SLC16A7: variants seen among roughly 807,000 people sequenced by gnomAD.
SLC16A7 encodes the protein monocarboxylate transporter 2.
A neutral mutation model predicts 34.9 loss-of-function variants in SLC16A7; 33 were observed. The ratio of observed to expected loss-of-function variants is 0.94; its 90% CI spans 0.72 to 1.26. SLC16A7 has a LOEUF of 1.26. Ranked by LOEUF, SLC16A7 falls within the 50% of genes most tolerant of loss-of-function variation. SLC16A7 has a pLI of 0.00. For synonymous variants in SLC16A7, 201 were observed against 206.6 expected, an observed-to-expected ratio of 0.97 and a Z score of 0.23; for missense variants, 573 against 578.1, an observed-to-expected ratio of 0.99 and a Z score of 0.09.
intron 2 of SLC16A7, among the ~76,000 whole-genome samples, chr12:59,669,137 A>T (rs376328658): frequency 2.6e-5 from 4 of 152,232 alleles, no homozygotes; most frequent in African/African-American, 9.6e-5. Flanking sequence ...CACCAAAGCC[A>T]TGCTGACAGG....
chr12:59,598,426 A>G (rs1878527889), intron 1 of SLC16A7, among the ~76,000 whole-genome samples: 1 of 152,228 alleles, frequency 6.6e-6, no homozygotes, highest in African/African-American at 2.4e-5. Flanking sequence ...TCTGCTTTCA[A>G]GAAGTTCTCA....
At chr12:59,603,407 C>T (rs1592379464) in intron 1 of SLC16A7, among the ~76,000 whole-genome samples, 1 of 152,292 alleles carries the variant, frequency 6.6e-6, no homozygotes, top group South Asian at 2.1e-4. Flanking sequence ...GAACTGTCCT[C>T]ATGCCTCGTT....
chr12:59,786,300 G>A lies in SLC16A7; in HGVS notation c.*6621G>A, dbSNP rs1251330372. On this transcript the variant is annotated 3_prime_UTR_variant, in exon 6 of 6. Transcript: ENST00000547379. ...TGGCATTTTATCTCACATAAATTTA[G>A]GATGAAATTTTAAAACATTCTTTTG... is the stretch of plus-strand genomic sequence containing the variant. The A allele has an allele frequency of 3.3e-5, 5 of 151,826 alleles. No homozygotes were observed. Among genetic ancestry groups the A allele is most frequent in the Non-Finnish European group, 7.4e-5 (5 of 67,938 alleles). The allele number at this position is 151,826 out of a possible 1,614,324, so 9.4% of individuals were successfully genotyped here.
rs140755684 is a variant in SLC16A7, at chr12:59,661,257, C to A, written c.-31+6007C>A. Among the ~76,000 whole-genome samples, 1,305 of 152,062 alleles carry A rather than the reference C, an allele frequency of 8.6e-3. 21 individuals are homozygous for A. Among genetic ancestry groups the A allele is most frequent in the African/African-American group, 0.03 (1,237 of 41,504 alleles). On this transcript the variant is annotated intron_variant, in intron 2 of 5. Coordinates refer to ENST00000547379, the MANE Select transcript of SLC16A7 (RefSeq NM_001270623.2). Reference sequence around the variant, plus strand: ...GTAGAGAGATTGGAGGCTGGGATAACAATTGGAGGCTACTAAATTTATTGG... The same window carrying A: ...GTAGAGAGATTGGAGGCTGGGATAAAAATTGGAGGCTACTAAATTTATTGG...
intron 2 of SLC16A7, among the ~76,000 whole-genome samples, chr12:59,684,966 G>C (rs1214445373): frequency 6.6e-6 from 1 of 152,116 alleles, no homozygotes; most frequent in Admixed American, 6.5e-5. Flanking sequence ...GTGTGGTACA[G>C]GTATGCCATC....
chr12:59,618,503 G>A (rs1055099768), intron 1 of SLC16A7, among the ~76,000 whole-genome samples: 1 of 151,930 alleles, frequency 6.6e-6, no homozygotes, highest in African/African-American at 2.4e-5. Flanking sequence ...TTTGGCTAAT[G>A]TTTGCCAATC....
chr12:59,693,308 G>A (rs897703247), intron 2 of SLC16A7, among the ~76,000 whole-genome samples: 2 of 151,776 alleles, frequency 1.3e-5, no homozygotes, highest in Non-Finnish European at 2.9e-5. Context: ...GAGGCATGCT[G>A]GTTTAGGTTT....
At chr12:59,627,757 A>G (rs1879992583) in intron 1 of SLC16A7, among the ~76,000 whole-genome samples, 1 of 151,212 alleles carries the variant, frequency 6.6e-6, no homozygotes, top group Non-Finnish European at 1.5e-5. Flanking sequence ...CATTTTTTTC[A>G]GTGACAAGTC....
Position 59,613,674 on chromosome 12 carries a change from C to T in SLC16A7, c.-130+17438C>T, listed in dbSNP as rs530064640. 3.9e-4 allele frequency among the ~76,000 whole-genome samples: 59 copies of T among 152,186 alleles called. 2 individuals carry two copies. The highest frequency in any genetic ancestry group is 1.3e-3 in the African/African-American group (54 of 41,526). ...TCAGGTAGAAGATACATACTACCCA[C>T]TCAATGGTATTTTATAGGAGAGAGA... On this transcript the variant is annotated intron_variant, in intron 1 of 5. Coordinates refer to ENST00000547379, the MANE Select transcript of SLC16A7 (RefSeq NM_001270623.2).
Position 59,741,992 on chromosome 12 carries a change from A to C in SLC16A7, c.218-29227A>C, listed in dbSNP as rs754167296. On this transcript the variant is annotated intron_variant, in intron 3 of 5. Transcript: ENST00000547379. ...AAAAAGTTTTACAGCAGGAAAGAAC[A>C]CTTAAAAGAGATCCTAGCGGGTGAT... Among the ~76,000 whole-genome samples, 21 of 152,184 alleles carry C rather than the reference A, an allele frequency of 1.4e-4. No individual in the cohort carries two copies. The South Asian group carries it at 2.1e-3, about 15-fold the overall frequency.
chr12:59,691,521 G>C (rs1367640415), intron 2 of SLC16A7, among the ~76,000 whole-genome samples: 1 of 151,944 alleles, frequency 6.6e-6, no homozygotes, highest in Non-Finnish European at 1.5e-5. Flanking sequence ...GGGGAAGAGG[G>C]GCTGGGCTGA....
At chr12:59,645,185 C>T (rs556031954) in intron 1 of SLC16A7, among the ~76,000 whole-genome samples, 2 of 152,176 alleles carry the variant, frequency 1.3e-5, no homozygotes, top group Non-Finnish European at 2.9e-5. Context: ...TAGGCACTGA[C>T]ATCTATTCAG....
At chr12:59,683,156 A>G (rs1870882473) in intron 2 of SLC16A7, among the ~76,000 whole-genome samples, 1 of 152,266 alleles carries the variant, frequency 6.6e-6, no homozygotes, top group Non-Finnish European at 1.5e-5. Flanking sequence ...CAAATCTACC[A>G]ATCATTTCCA....
At chr12:59,672,899 TGTGCCA>T in intron 2 of SLC16A7, among the ~76,000 whole-genome samples, 1 of 152,330 alleles carries the variant, frequency 6.6e-6, no homozygotes, top group East Asian at 1.9e-4. Context: ...GATGGAAGGC[TGTGCCA>T]TCTCTCTTTC....
chr12:59,756,437 G>A (rs1473031400), intron 3 of SLC16A7, among the ~76,000 whole-genome samples: 1 of 151,910 alleles, frequency 6.6e-6, no homozygotes, highest in East Asian at 1.9e-4. Flanking sequence ...CCATCAAAAA[G>A]TGGACGAAGG....
chr12:59,753,797 A>G (rs1426804381), intron 3 of SLC16A7, among the ~76,000 whole-genome samples: 1 of 152,166 alleles, frequency 6.6e-6, no homozygotes, highest in Non-Finnish European at 1.5e-5. Flanking sequence ...AATCAACAGA[A>G]TATACATTTT....
At chr12:59,711,659 C>T (rs116447675) in intron 3 of SLC16A7, among the ~76,000 whole-genome samples, 6 of 152,070 alleles carry the variant, frequency 3.9e-5, no homozygotes, top group African/African-American at 1.2e-4. Context: ...TCTGGGACTA[C>T]AGAGGTGCAC....
intron 2 of SLC16A7, among the ~76,000 whole-genome samples, chr12:59,701,059 A>C (rs1299171161): frequency 6.6e-6 from 1 of 151,792 alleles, no homozygotes; most frequent in Non-Finnish European, 1.5e-5. Context: ...AATGTAATAA[A>C]AGACATGTAA....
chr12:59,766,387 G>C (rs2137416881), intron 3 of SLC16A7, among the ~76,000 whole-genome samples: 1 of 152,288 alleles, frequency 6.6e-6, no homozygotes, highest in African/African-American at 2.4e-5. Flanking sequence ...AGTGGTGAGA[G>C]AGGGCATCCC....
Sources: allele counts gnomAD v4.1 joint callset (sites outside exome capture counted in the v4.1 genomes callset), GRCh38; gene constraint gnomAD v4.1.1; transcripts MANE v1.5; gene names NCBI Gene and HGNC (gene_info 2026-07-23, HGNC 2026-07-21).